Variants in CACNA2D2 observed in about 807,000 individuals in gnomAD.
CACNA2D2 encodes the protein calcium voltage-gated channel auxiliary subunit alpha2delta 2.
Under a neutral mutation model 166.4 loss-of-function variants are expected in CACNA2D2, and 48 were observed. That is an observed-to-expected ratio of 0.29 (90% confidence interval 0.23 to 0.37). The LOEUF (loss-of-function observed/expected upper bound fraction) is 0.37, where lower values mean the gene tolerates loss of function less well. CACNA2D2 is among the 10% of genes least tolerant of loss of function. The probability of loss-of-function intolerance (pLI) is 1.00; values close to 1 mark genes in which losing one functional copy is unlikely to be tolerated. For missense variants in CACNA2D2, 1,122 were observed against 1,433.0 expected (o/e 0.78, Z 3.50); for synonymous variants, 561 against 573.7 (o/e 0.98, Z 0.32).
Position 50,365,046 on chromosome 3 carries a change from G to A in CACNA2D2, c.3208+29C>T, listed in dbSNP as rs1200622270. On this transcript the variant is annotated intron_variant, in intron 36 of 37. Transcript: ENST00000424201. This position sits in a 1 kb window ranked among gnomAD's most constrained non-coding sequence, Gnocchi z 4.5. Reference sequence around the variant, plus strand: ...GGGGCGCGCGGGGCAGAGGGGGAGCGGGCGGCGGGGAGGGCGGGGGCAGGA... The same window carrying A: ...GGGGCGCGCGGGGCAGAGGGGGAGCAGGCGGCGGGGAGGGCGGGGGCAGGA... 1.3e-6 allele frequency: 2 copies of A among 1,599,764 alleles called. No individual in the cohort carries two copies. Among genetic ancestry groups the A allele is most frequent in the African/African-American group, 1.3e-5 (1 of 74,562 alleles).
chr3:50,491,326 G>A (rs764385863), intron 1 of CACNA2D2, among the ~76,000 whole-genome samples: 2 of 152,208 alleles, frequency 1.3e-5, no homozygotes, highest in African/African-American at 4.8e-5. Flanking sequence ...AGGACGGCAG[G>A]AGGCTTGCCC....
intron 2 of CACNA2D2, among the ~76,000 whole-genome samples, chr3:50,463,063 T>C (rs1709663538): frequency 6.6e-6 from 1 of 152,106 alleles, no homozygotes; most frequent in Non-Finnish European, 1.5e-5. Flanking sequence ...TTTACTCTTA[T>C]TGCAATGAAG....
chr3:50,403,030 G>A (rs1706520350), intron 3 of CACNA2D2, among the ~76,000 whole-genome samples: 1 of 152,108 alleles, frequency 6.6e-6, no homozygotes, highest in Non-Finnish European at 1.5e-5. Flanking sequence ...GAGTGTGACA[G>A]TGCCCTCCTC....
chr3:50,422,757 T>C (rs1425048819), intron 3 of CACNA2D2, among the ~76,000 whole-genome samples: 1 of 152,242 alleles, frequency 6.6e-6, no homozygotes. Context: ...GTGCTGTAGC[T>C]GCAATCTCGC....
At chr3:50,421,730 G>A (rs1707570637) in intron 3 of CACNA2D2, among the ~76,000 whole-genome samples, 1 of 152,112 alleles carries the variant, frequency 6.6e-6, no homozygotes, top group Non-Finnish European at 1.5e-5. Flanking sequence ...GGAGCCAAGG[G>A]TCCAAGGTGC....
intron 2 of CACNA2D2, among the ~76,000 whole-genome samples, chr3:50,463,045 T>C (rs1709662996): frequency 6.6e-6 from 1 of 152,162 alleles, no homozygotes; most frequent in South Asian, 2.1e-4. Context: ...GCGACATCAC[T>C]ACTTCTGTTT....
intron 3 of CACNA2D2, among the ~76,000 whole-genome samples, chr3:50,426,699 G>T (rs1707822630): frequency 6.6e-6 from 1 of 152,092 alleles, no homozygotes; most frequent in African/African-American, 2.4e-5. Flanking sequence ...CCCTCCTGAG[G>T]TCCCTGCATC....
intron 2 of CACNA2D2, among the ~76,000 whole-genome samples, chr3:50,455,659 G>A (rs1047479867): frequency 6.6e-6 from 1 of 152,110 alleles, no homozygotes; most frequent in Admixed American, 6.5e-5. Context: ...AGGACCTCAG[G>A]GAGCAAGCAC....
In CACNA2D2 at chr3:50,366,781, A is replaced by G; in HGVS notation, c.2589+50T>C. The G allele has an allele frequency of 6.4e-7, 1 of 1,572,806 alleles. No homozygotes were observed. Among genetic ancestry groups the G allele is most frequent in the Non-Finnish European group, 8.7e-7 (1 of 1,147,802 alleles). ...GGAGGGTTGGTGGGGGTTCCAGGGG[A>G]CTCCAGGAAGGGCACTGCTGGGTTA... is the stretch of plus-strand genomic sequence containing the variant. On this transcript the variant is annotated intron_variant, in intron 29 of 37. Coordinates refer to ENST00000424201, the MANE Select transcript of CACNA2D2 (RefSeq NM_006030.4). The surrounding 1 kb of genome is among the most constrained non-coding windows in gnomAD (Gnocchi z 5.9).
intron 3 of CACNA2D2, among the ~76,000 whole-genome samples, chr3:50,407,646 ACCT>A (rs1388555771): frequency 6.6e-6 from 1 of 152,084 alleles, no homozygotes; most frequent in Non-Finnish European, 1.5e-5. Context: ...AATCCTGATA[ACCT>A]CCTCCCTAAC....
In CACNA2D2 at chr3:50,364,762, C is replaced by G. The variant is rs777164486; in HGVS notation, c.3336G>C (p.Ser1112=). ...GTTGCAGGGAGACCAGGACGCCCAGCGACGGCGGGAAGGAGGCCCCGCGGC... is the reference window on the plus strand; with the variant it reads ...GTTGCAGGGAGACCAGGACGCCCAGGGACGGCGGGAAGGAGGCCCCGCGGC... ...DCGRGASFPP[S]LGVLVSLQLL... Residue 1112 remains serine, a synonymous_variant, in exon 38 of 38, where the codon TCG becomes TCC. Transcript: ENST00000424201. 3.2e-6 allele frequency: 5 copies of G among 1,579,534 alleles called. No individual in the cohort carries two copies. The South Asian group carries it at 3.4e-5, about 11-fold the overall frequency.
chr3:50,392,351 G>A (rs1705928023), intron 4 of CACNA2D2, among the ~76,000 whole-genome samples: 1 of 152,192 alleles, frequency 6.6e-6, no homozygotes, highest in African/African-American at 2.4e-5. Flanking sequence ...GGTAGCAGCA[G>A]TGCTTCCTGG....
At position 50,380,904 on chromosome 3, in the gene CACNA2D2, G is replaced by A; in HGVS notation, c.784+91C>T. 6.4e-7 allele frequency: 1 copy of A among 1,562,050 alleles called. No homozygotes were observed. The highest frequency in any genetic ancestry group is 8.7e-7 in the Non-Finnish European group (1 of 1,148,972). Reference sequence around the variant, plus strand: ...CTGGGCTGCCACAGACTACAGAGAAGCCACCCCGCCCCATGCCCCCAGGAT... The same window carrying A: ...CTGGGCTGCCACAGACTACAGAGAAACCACCCCGCCCCATGCCCCCAGGAT... On this transcript the variant is annotated intron_variant, in intron 7 of 37. Coordinates refer to ENST00000424201, the MANE Select transcript of CACNA2D2 (RefSeq NM_006030.4). The surrounding 1 kb of genome is among the most constrained non-coding windows in gnomAD (Gnocchi z 4.9).
intron 23 of CACNA2D2, among the ~76,000 whole-genome samples, chr3:50,369,104 G>A (rs1704512597): frequency 6.6e-6 from 1 of 152,160 alleles, no homozygotes; most frequent in South Asian, 2.1e-4. Context: ...TCTCTCCTTG[G>A]CCCCCAGGGC....
chr3:50,373,040 G>A (rs1201696050), intron 22 of CACNA2D2: 3 of 1,531,992 alleles, frequency 2.0e-6, no homozygotes, highest in Admixed American at 2.0e-5. Context: ...GAAGAGGAGG[G>A]TGCACTGGTT....
intron 2 of CACNA2D2, among the ~76,000 whole-genome samples, chr3:50,470,611 G>C (rs60364629): frequency 1.2e-5 from 1 of 80,154 alleles, no homozygotes; most frequent in Non-Finnish European, 2.8e-5. Context: ...GGGGGGGGGG[G>C]TGGTGGTCAA....
intron 2 of CACNA2D2, among the ~76,000 whole-genome samples, chr3:50,469,758 C>T (rs1056253615): frequency 2.0e-5 from 3 of 152,220 alleles, no homozygotes; most frequent in Non-Finnish European, 4.4e-5. Context: ...CACTTCCCAC[C>T]ATCCAGCTAT....
Position 50,366,557 on chromosome 3 carries a change from G to A in CACNA2D2, c.2637+21C>T. ...GAAGTGGGGTAAGCTAGGGTCCAGG[G>A]TAGGTTCAGGGCACACACACCTCAT... On this transcript the variant is annotated intron_variant, in intron 30 of 37. Coordinates refer to ENST00000424201, the MANE Select transcript of CACNA2D2 (RefSeq NM_006030.4). The surrounding 1 kb of genome is among the most constrained non-coding windows in gnomAD (Gnocchi z 5.9). 1 of 1,613,194 alleles carries A rather than the reference G, an allele frequency of 6.2e-7. No individual in the cohort carries two copies.
At chr3:50,495,306 T>C (rs1157524502) in intron 1 of CACNA2D2, among the ~76,000 whole-genome samples, 2 of 152,156 alleles carry the variant, frequency 1.3e-5, no homozygotes, top group African/African-American at 4.8e-5. Flanking sequence ...CCTCCTGGCC[T>C]GTAGGCTCCT....
Sources: gnomAD v4.1 joint callset for allele counts (sites outside exome capture counted in the v4.1 genomes callset) on GRCh38, gnomAD v4.1.1 for gene constraint, Gnocchi (gnomAD v3.1) non-coding constraint, MANE v1.5 for transcripts, NCBI Gene and HGNC (gene_info 2026-07-23, HGNC 2026-07-21) for gene names.